SPSB1: variants seen among roughly 807,000 people sequenced by gnomAD.
SPSB1 encodes the protein SPRY domain-containing SOCS box protein 1.
SPSB1 carries 8 observed loss-of-function variants against 21.2 expected under a neutral mutation model. That is an observed-to-expected ratio of 0.38 (90% CI 0.22 to 0.68). The LOEUF (loss-of-function observed/expected upper bound fraction) is 0.68. Ranked by LOEUF, SPSB1 falls within the 30% of genes least tolerant of loss-of-function variation. The pLI is 0.53. For missense variants in SPSB1, 242 were observed against 377.8 expected, an observed-to-expected ratio of 0.64 and a Z score of 2.98; for synonymous variants, 169 against 161.7, an observed-to-expected ratio of 1.05 and a Z score of -0.34.
chr1:9,339,067 G>A (rs1302267860), intron 1 of SPSB1, among the ~76,000 whole-genome samples: 1 of 152,160 alleles, frequency 6.6e-6, no homozygotes, highest in Admixed American at 6.5e-5. Flanking sequence ...CTTCCCCTTG[G>A]AGACGGTGGA....
intron 1 of SPSB1, among the ~76,000 whole-genome samples, chr1:9,299,458 G>A (rs1029874564): frequency 1.3e-5 from 2 of 151,554 alleles, no homozygotes; most frequent in African/African-American, 4.8e-5. Context: ...GGGCAACACA[G>A]TGAGACGTCA....
chr1:9,307,577 G>A (rs372375508), intron 1 of SPSB1, among the ~76,000 whole-genome samples: 15 of 152,190 alleles, frequency 9.9e-5, no homozygotes, highest in Admixed American at 2.6e-4. Flanking sequence ...TGGATTTCCC[G>A]TCCTGGCTCA....
intron 1 of SPSB1, among the ~76,000 whole-genome samples, chr1:9,314,447 G>A (rs563965386): frequency 2.0e-5 from 3 of 151,876 alleles, no homozygotes; most frequent in South Asian, 2.1e-4. Flanking sequence ...TCTAGACCCC[G>A]ACTGCCAACC....
chr1:9,354,450 G>A (rs543281527), intron 1 of SPSB1, among the ~76,000 whole-genome samples: 66 of 152,150 alleles, frequency 4.3e-4, no homozygotes, highest in African/African-American at 1.5e-3. Context: ...GGCCTCTCTG[G>A]TCCCTTCCAG....
At chr1:9,347,638 T>G (rs1306882312) in intron 1 of SPSB1, among the ~76,000 whole-genome samples, 1 of 152,232 alleles carries the variant, frequency 6.6e-6, no homozygotes, top group Non-Finnish European at 1.5e-5. Context: ...TCGTGTTACA[T>G]TTTCTGTTAC....
intron 1 of SPSB1, among the ~76,000 whole-genome samples, chr1:9,303,925 T>C (rs1639372193): frequency 6.6e-6 from 1 of 152,246 alleles, no homozygotes; most frequent in Non-Finnish European, 1.5e-5. Flanking sequence ...CCTTTTCTGC[T>C]GACAGGGAAG....
At chr1:9,354,560 G>A (rs1412072253) in intron 1 of SPSB1, among the ~76,000 whole-genome samples, 1 of 151,928 alleles carries the variant, frequency 6.6e-6, no homozygotes, top group African/African-American at 2.4e-5. Context: ...ACTCTTCCTG[G>A]CCAGCACTTT....
rs962182489 is a variant in SPSB1, at chr1:9,363,703, A to AT, written c.695-3732dup. ...ATGTGGGCCTCTGCAGTTTTAGAAA[A>AT]TTTTTTTTTTTTTGGAGATGGAGTC... On this transcript the variant is annotated intron_variant, in intron 2 of 2. Transcript: ENST00000328089. The surrounding 1 kb of genome is among the most constrained non-coding windows in gnomAD (Gnocchi z 4.5). Among the ~76,000 whole-genome samples the AT allele has an allele frequency of 2.4e-3, 345 of 146,190 alleles. 1 individual carries two copies. Among genetic ancestry groups the AT allele is most frequent in the Admixed American group, 4.1e-3 (60 of 14,658 alleles).
chr1:9,336,141 A>C (rs550752431), intron 1 of SPSB1, among the ~76,000 whole-genome samples: 85 of 152,180 alleles, frequency 5.6e-4, no homozygotes, highest in African/African-American at 1.8e-3. Flanking sequence ...GTGCTCTCTC[A>C]TGTTGTTGGT....
chr1:9,325,225 A>ACCACCCCC (rs1639797114), intron 1 of SPSB1, among the ~76,000 whole-genome samples: 1 of 133,716 alleles, frequency 7.5e-6, no homozygotes, highest in African/African-American at 3.4e-5. Context: ...TCCCACCACC[A>ACCACCCCC]CCCCCCCCCC....
intron 2 of SPSB1, among the ~76,000 whole-genome samples, chr1:9,365,219 C>T (rs1360755787): frequency 6.6e-6 from 1 of 152,166 alleles, no homozygotes; most frequent in Non-Finnish European, 1.5e-5. Context: ...ACAATCACAG[C>T]TTACTGCAGC....
rs563787790 is a variant in SPSB1 at position 9,324,554 on chromosome 1, G to T, written c.-149-31189G>T. Among the ~76,000 whole-genome samples the T allele has an allele frequency of 2.6e-4, 40 of 152,324 alleles. 1 individual carries two copies. In the East Asian group the frequency reaches 7.5e-3, roughly 29 times the overall value. ...CCGATGAGGAAACCAGCTTGGGTGGGGAGGGGGAGTCAAGACAAAAGCCTG... is the reference window on the plus strand; with the variant it reads ...CCGATGAGGAAACCAGCTTGGGTGGTGAGGGGGAGTCAAGACAAAAGCCTG... On this transcript the variant is annotated intron_variant, in intron 1 of 2. Transcript: ENST00000328089. The surrounding 1 kb of genome is among the most constrained non-coding windows in gnomAD (Gnocchi z 4.3).
intron 1 of SPSB1, among the ~76,000 whole-genome samples, chr1:9,350,700 C>T (rs1306852188): frequency 1.3e-5 from 2 of 152,352 alleles, no homozygotes; most frequent in East Asian, 3.9e-4. Context: ...ACGAGCCACG[C>T]CCTTTGCGTC....
intron 1 of SPSB1, among the ~76,000 whole-genome samples, chr1:9,302,813 G>C (rs1489423375): frequency 6.6e-6 from 1 of 152,170 alleles, no homozygotes; most frequent in Non-Finnish European, 1.5e-5. Flanking sequence ...ATATGGTGCT[G>C]GTTTCTCCCG....
At chr1:9,309,609 G>A (rs1405855536) in intron 1 of SPSB1, among the ~76,000 whole-genome samples, 2 of 152,270 alleles carry the variant, frequency 1.3e-5, no homozygotes, top group East Asian at 1.9e-4. Flanking sequence ...TTGGGAGGCC[G>A]AGACGGGTGG....
Position 9,350,203 on chromosome 1 carries a change from A to G in SPSB1, c.-149-5540A>G, listed in dbSNP as rs147068414. Among the ~76,000 whole-genome samples, 508 of 152,116 alleles carry G rather than the reference A, an allele frequency of 3.3e-3. 5 individuals carry two copies. The highest frequency in any genetic ancestry group is 0.011 in the African/African-American group (441 of 41,486). On this transcript the variant is annotated intron_variant, in intron 1 of 2. Coordinates refer to ENST00000328089, the MANE Select transcript of SPSB1 (RefSeq NM_025106.4). Reference sequence around the variant, plus strand: ...CATTTATGCCTGTGATGAGATTACAACCTGGTCTTCAGGAAGCACCAGACA... The same window carrying G: ...CATTTATGCCTGTGATGAGATTACAGCCTGGTCTTCAGGAAGCACCAGACA...
chr1:9,339,109 G>A, intron 1 of SPSB1: 6 of 613,478 alleles, frequency 9.8e-6, no homozygotes, highest in Non-Finnish European at 1.2e-5. Flanking sequence ...TCCAGCCCAG[G>A]CAAGGCAGGC....
intron 1 of SPSB1, among the ~76,000 whole-genome samples, chr1:9,350,278 C>G (rs577096604): frequency 6.6e-6 from 1 of 152,324 alleles, no homozygotes; most frequent in African/African-American, 2.4e-5. Flanking sequence ...GGGCTGCGGA[C>G]AGGAGAACTG....
rs1398949426 is a variant in SPSB1 at position 9,317,110 on chromosome 1, T to C, written c.-150+24039T>C. On this transcript the variant is annotated intron_variant, in intron 1 of 2. Coordinates refer to ENST00000328089, the MANE Select transcript of SPSB1 (RefSeq NM_025106.4). This position sits in a 1 kb window ranked among gnomAD's most constrained non-coding sequence, Gnocchi z 4.3. ...AAGGAAAGAGAGAACTCACAAATAA[T>C]ATATTATACTAGGCAGAGGGTGAGA... 2.0e-5 allele frequency among the ~76,000 whole-genome samples: 3 copies of C among 152,040 alleles called. No homozygotes were observed. Among genetic ancestry groups the C allele is most frequent in the Non-Finnish European group, 4.4e-5 (3 of 68,026 alleles).
Sources: gnomAD v4.1 joint callset for allele counts (sites outside exome capture counted in the v4.1 genomes callset) on GRCh38, gnomAD v4.1.1 for gene constraint, Gnocchi (gnomAD v3.1) non-coding constraint, MANE v1.5 for transcripts, NCBI Gene and HGNC (gene_info 2026-07-23, HGNC 2026-07-21) for gene names.